The following THBS1 variants were observed in gnomAD, a reference collection of about 807,000 sequenced individuals.
The protein encoded by THBS1 is thrombospondin 1.
Under a neutral mutation model 126.1 loss-of-function variants are expected in THBS1, and 29 were observed. That is an observed-to-expected ratio of 0.23 (90% confidence interval 0.17 to 0.31). The LOEUF (loss-of-function observed/expected upper bound fraction) is 0.31. Ranked by LOEUF, THBS1 falls within the 10% of genes least tolerant of loss-of-function variation. The probability of loss-of-function intolerance (pLI) is 1.00; values close to 1 mark genes in which losing one functional copy is unlikely to be tolerated. For synonymous variants in THBS1, 496 were observed against 577.8 expected (o/e 0.86, Z 2.03); for missense variants, 1,198 against 1,545.2 (o/e 0.78, Z 3.77).
chr15:39,594,076 C>CTTTCCT lies in THBS1; in HGVS notation c.3268-9_3268-4dup, dbSNP rs778626981. ...TTACCTGAAGGAGCTGTGTTTCAAC[C>CTTTCCT]TTTCCTTTTCCTTTTCCTTCAGGTG... On this transcript the variant is annotated intron_variant, in intron 19 of 21. Coordinates refer to ENST00000260356, the MANE Select transcript of THBS1 (RefSeq NM_003246.4). The surrounding 1 kb of genome is among the most constrained non-coding windows in gnomAD (Gnocchi z 4.4). 1.1e-5 allele frequency: 17 copies of CTTTCCT among 1,602,830 alleles called. No homozygotes were observed. Among genetic ancestry groups the CTTTCCT allele is most frequent in the Middle Eastern group, 1.7e-4 (1 of 6,032 alleles).
chr15:39,592,421 A>G lies in THBS1; in HGVS notation c.2533-147A>G, dbSNP rs974108707. The stretch of plus-strand genomic sequence containing the variant: ...TTAAAATGTAATTGCTACTATTGCT[A>G]TCTTTCTGCAGGAGTGTGTAAATAG... On this transcript the variant is annotated intron_variant, in intron 16 of 21. Coordinates refer to ENST00000260356, the MANE Select transcript of THBS1 (RefSeq NM_003246.4). This position sits in a 1 kb window ranked among gnomAD's most constrained non-coding sequence, Gnocchi z 4.3. 25 of 556,508 alleles carry G rather than the reference A, an allele frequency of 4.5e-5. No homozygotes were observed. The highest frequency in any genetic ancestry group is 3.1e-4 in the South Asian group (9 of 29,462). The allele number at this position is 556,508 out of a possible 1,614,324, so 34.5% of individuals were successfully genotyped here.
intron 15 of THBS1, 39 bp from the exon 16 acceptor site, chr15:39,591,466 T>A (rs371678870): frequency 1.3e-4 from 204 of 1,612,370 alleles, no homozygotes; most frequent in Middle Eastern, 5.0e-4. Context: ...CATCCAAGGC[T>A]GGAGAGCCCA....
chr15:39,582,668 C>G lies in THBS1; in HGVS notation c.543C>G (p.Val181=). ...AGATGGAGAATGCTGAGTTGGACGT[C>G]CCCATCCAAAGCGTCTTCACCAGAG... is the stretch of plus-strand genomic sequence containing the variant. The part of the protein sequence containing the change: ...CEKMENAELD[V]PIQSVFTRDL... The change falls in exon 3 of 22, where the codon GTC becomes GTG. Residue 181 remains valine, a synonymous_variant. Coordinates refer to ENST00000260356, the MANE Select transcript of THBS1 (RefSeq NM_003246.4). 6.2e-7 allele frequency: 1 copy of G among 1,613,666 alleles called. No homozygotes were observed. Among genetic ancestry groups the G allele is most frequent in the Non-Finnish European group, 8.5e-7 (1 of 1,180,038 alleles).
rs532025950 is a variant in THBS1 at position 39,589,119 on chromosome 15, T to G, written c.1773+33T>G. Reference sequence around the variant, plus strand: ...ACTGATGGGGCTCCGAGTTTCTGGATCTAGGAAAGCAGCTAACCTGTGCAG... The same window carrying G: ...ACTGATGGGGCTCCGAGTTTCTGGAGCTAGGAAAGCAGCTAACCTGTGCAG... On this transcript the variant is annotated intron_variant, in intron 11 of 21. Transcript: ENST00000260356. This position sits in a 1 kb window ranked among gnomAD's most constrained non-coding sequence, Gnocchi z 4.7. 1.2e-6 allele frequency: 2 copies of G among 1,612,718 alleles called. No homozygotes were observed. The highest frequency in any genetic ancestry group is 2.7e-5 in the African/African-American group (2 of 75,010).
intron 6 of THBS1, among the ~76,000 whole-genome samples, chr15:39,585,188 T>C (rs1236077210): frequency 6.6e-6 from 1 of 152,214 alleles, no homozygotes; most frequent in Non-Finnish European, 1.5e-5. Context: ...TGTTTGTTGG[T>C]TCCTCTGCTA....
rs1171657813 is a variant in THBS1, at chr15:39,589,325, G to C, written c.1897G>C (p.Gly633Arg). The C allele has an allele frequency of 1.2e-6, 2 of 1,614,008 alleles. No individual in the cohort carries two copies. The highest frequency in any genetic ancestry group is 1.7e-6 in the Non-Finnish European group (2 of 1,180,032). ...CACCGGCTCACAGCCCTTCGGCCAGGGTGTCGAACATGCCACGGCCAACAA... is the reference window on the plus strand; with the variant it reads ...CACCGGCTCACAGCCCTTCGGCCAGCGTGTCGAACATGCCACGGCCAACAA... ...RFTGSQPFGQ[G>R]VEHATANKQV... is the part of the protein sequence containing the mutation. Residue 633 changes from glycine to arginine, a missense_variant, in exon 12 of 22, where the codon GGT (glycine) becomes CGT (arginine). Gly to Arg is a moderately radical substitution (Grantham distance 125). Transcript: ENST00000260356. This position sits in a 1 kb window ranked among gnomAD's most constrained non-coding sequence, Gnocchi z 4.7.
chr15:39,596,973 T>G lies in THBS1; in HGVS notation c.*1604T>G, dbSNP rs1313025932. 1 of 152,246 alleles carries G rather than the reference T, an allele frequency of 6.6e-6. No individual in the cohort carries two copies. Among genetic ancestry groups the G allele is most frequent in the Non-Finnish European group, 1.5e-5 (1 of 68,040 alleles). The allele number at this position is 152,246 out of a possible 1,614,324, so 9.4% of individuals were successfully genotyped here. On this transcript the variant is annotated 3_prime_UTR_variant, in exon 22 of 22. Coordinates refer to ENST00000260356, the MANE Select transcript of THBS1 (RefSeq NM_003246.4). Reference sequence around the variant, plus strand: ...TCTAACAAACTTAAAGCTACTGTAGTACCTAAAAAGTCAGTGTTGTACATA... The same window carrying G: ...TCTAACAAACTTAAAGCTACTGTAGGACCTAAAAAGTCAGTGTTGTACATA...
chr15:39,587,199 T>C (rs1890223201), intron 7 of THBS1, 148 bp from the exon 8 acceptor site: 1 of 659,248 alleles, frequency 1.5e-6, no homozygotes, highest in African/African-American at 1.8e-5. Flanking sequence ...ATGTATATAA[T>C]ATTTGTCAAT....
chr15:39,582,723 G>A lies in THBS1; in HGVS notation c.598G>A (p.Ala200Thr), dbSNP rs1214476407. The change falls in exon 3 of 22, where the codon GCA (alanine) becomes ACA (threonine). Residue 200 changes from alanine to threonine, a missense_variant. Ala to Thr is a moderately conservative substitution (Grantham distance 58). Around this residue, in one of 4 missense-constraint regions of THBS1, gnomAD observed 271 missense variants for 277.0 expected, o/e 0.98. Transcript: ENST00000260356. ...GGCCAGCATCGCCAGACTCCGCATCGCAAAGGGGGGCGTCAATGACAATTT... is the reference window on the plus strand; with the variant it reads ...GGCCAGCATCGCCAGACTCCGCATCACAAAGGGGGGCGTCAATGACAATTT... ...DLASIARLRI[A>T]KGGVNDNFQG... is the part of the protein sequence containing the mutation. 4.3e-6 allele frequency: 7 copies of A among 1,611,712 alleles called. No individual in the cohort carries two copies. The highest frequency in any genetic ancestry group is 1.3e-5 in the African/African-American group (1 of 74,930).
Position 39,594,420 on chromosome 15 carries a change from A to T in THBS1, c.3485A>T (p.Asp1162Val). The change falls in exon 21 of 22, where the codon GAC becomes GTC. Residue 1162 changes from aspartate to valine, a missense_variant. Coordinates refer to ENST00000260356, the MANE Select transcript of THBS1 (RefSeq NM_003246.4). This position sits in a 1 kb window ranked among gnomAD's most constrained non-coding sequence, Gnocchi z 4.4. ...VFSQEMVFFS[D>V]LKYECRDP ...TCTCAAGAAATGGTGTTCTTCTCTG[A>T]CCTGAAATACGAATGTAGAGGTAAG... is the stretch of plus-strand genomic sequence containing the variant. 2 of 1,614,170 alleles carry T rather than the reference A, an allele frequency of 1.2e-6. No homozygotes were observed. Among genetic ancestry groups the T allele is most frequent in the South Asian group, 2.2e-5 (2 of 91,076 alleles).
In THBS1 at chr15:39,581,695, T is replaced by A. The variant is rs939670742; in HGVS notation, c.-29-134T>A. 21 of 557,046 alleles carry A rather than the reference T, an allele frequency of 3.8e-5. No homozygotes were observed. The African/African-American group carries it at 4.1e-4, about 11-fold the overall frequency. 34.5% of individuals were successfully genotyped at this position (557,046 alleles called of 1,614,324 possible). A position where few individuals can be genotyped will look rare whatever the true frequency, so the allele number is the denominator to read the frequency against. On this transcript the variant is annotated intron_variant, in intron 1 of 21. Transcript: ENST00000260356. Reference sequence around the variant, plus strand: ...TGCTCTCTGGAAAGTAATCCTGTTGTCCTTCATTTCAGCAAACGCGGGGTC... The same window carrying A: ...TGCTCTCTGGAAAGTAATCCTGTTGACCTTCATTTCAGCAAACGCGGGGTC...
intron 8 of THBS1, 63 bp downstream of exon 8, chr15:39,587,583 G>A (rs570661545): frequency 4.8e-5 from 71 of 1,485,114 alleles, no homozygotes; most frequent in Non-Finnish European, 6.1e-5. Context: ...GTCACCAAGG[G>A]CAGCTCCACA....
Position 39,593,818 on chromosome 15 carries a change from A to G in THBS1, c.3267+150A>G, listed in dbSNP as rs1317032798. On this transcript the variant is annotated intron_variant, in intron 19 of 21. Transcript: ENST00000260356. The surrounding 1 kb of genome is among the most constrained non-coding windows in gnomAD (Gnocchi z 5.9). ...GCATTGAACTCTGCTTTGTAAAAAC[A>G]TAATAGTGTTGAAAAGGGAGCTTGA... 11 of 1,242,026 alleles carry G rather than the reference A, an allele frequency of 8.9e-6. No homozygotes were observed. The highest frequency in any genetic ancestry group is 2.4e-5 in the East Asian group (1 of 41,370). 76.9% of individuals were successfully genotyped at this position (1,242,026 alleles called of 1,614,324 possible).
At position 39,588,182 on chromosome 15, in the gene THBS1, C is replaced by T. The variant is rs1392867545; in HGVS notation, c.1435C>T (p.Arg479Trp). The T allele has an allele frequency of 1.1e-5, 18 of 1,613,996 alleles. No homozygotes were observed. Among genetic ancestry groups the T allele is most frequent in the Non-Finnish European group, 1.4e-5 (17 of 1,180,046 alleles). The change falls in exon 9 of 22, where the codon CGG becomes TGG. Residue 479 changes from arginine (R) to tryptophan (W), a missense_variant. Coordinates refer to ENST00000260356, the MANE Select transcript of THBS1 (RefSeq NM_003246.4). ...CGGGAAACCCTGTGAAGGCGAAGCG[C>T]GGGAGACCAAAGCCTGCAAGAAAGA... is the stretch of plus-strand genomic sequence containing the variant. ...MNGKPCEGEA[R>W]ETKACKKDAC...
chr15:39,582,892 C>G, intron 3 of THBS1, 140 bp downstream of exon 3: 1 of 959,056 alleles, frequency 1.0e-6, no homozygotes, highest in Non-Finnish European at 1.5e-6. Context: ...ACCTGGAGGG[C>G]TTGTGAAAGC....
chr15:39,592,480 A>G lies in THBS1; in HGVS notation c.2533-88A>G, dbSNP rs1365720152. On this transcript the variant is annotated intron_variant, in intron 16 of 21. Transcript: ENST00000260356. The surrounding 1 kb of genome is among the most constrained non-coding windows in gnomAD (Gnocchi z 4.3). ...CCCCACTGGCTGTATCAAACAATGG[A>G]GAATTTTCCCTGTGGTGGGGGCATA... The G allele has an allele frequency of 9.1e-7, 1 of 1,093,242 alleles. No individual in the cohort carries two copies. The highest frequency in any genetic ancestry group is 1.6e-5 in the African/African-American group (1 of 63,980). 67.7% of individuals were successfully genotyped at this position (1,093,242 alleles called of 1,614,324 possible).
intron 13 of THBS1, 116 bp from the exon 14 acceptor site, chr15:39,590,400 G>T: frequency 1.3e-6 from 1 of 783,660 alleles, no homozygotes; most frequent in Non-Finnish European, 2.0e-6. Context: ...AAAATATGCT[G>T]TTACTGAGCC....
chr15:39,582,856 C>T, intron 3 of THBS1, 104 bp downstream of exon 3: 1 of 1,311,976 alleles, frequency 7.6e-7, no homozygotes, highest in Non-Finnish European at 1.0e-6. Context: ...CGCAGCAGTT[C>T]TCAGATTTTA....
chr15:39,591,328 T>C lies in THBS1; in HGVS notation c.2391T>C (p.Cys797=). 1.9e-6 allele frequency: 3 copies of C among 1,614,122 alleles called. No homozygotes were observed. Among genetic ancestry groups the C allele is most frequent in the Non-Finnish European group, 2.5e-6 (3 of 1,179,998 alleles). ...ACAACAATGGGGAAGGAGACGCCTG[T>C]GCTGCAGACATTGATGGAGACGGTA... ...DTDNNGEGDA[C]AADIDGDGIL... Residue 797 remains cysteine (C), a synonymous_variant, in exon 15 of 22, where the codon TGT becomes TGC. Coordinates refer to ENST00000260356, the MANE Select transcript of THBS1 (RefSeq NM_003246.4).
Sources: gnomAD v4.1 joint callset for allele counts (sites outside exome capture counted in the v4.1 genomes callset) on GRCh38, gnomAD v4.1.1 for gene constraint, gnomAD v4.1.1 regional missense constraint, Gnocchi (gnomAD v3.1) non-coding constraint, MANE v1.5 for transcripts, NCBI Gene and HGNC (gene_info 2026-07-23, HGNC 2026-07-21) for gene names.